GPC5: variants seen among roughly 807,000 people sequenced by gnomAD.
The protein encoded by GPC5 is glypican 5.
In GPC5, 47 loss-of-function variants were observed where a neutral mutation model predicts 53.9. The observed-to-expected ratio is 0.87, with a 90% CI of 0.69 to 1.11. GPC5 has a LOEUF of 1.11. Among genes scored for constraint, GPC5 ranks in the 50% most tolerant of loss-of-function variants. GPC5 has a pLI of 0.00. For missense variants in GPC5, 748 were observed against 713.1 expected (o/e 1.05, Z -0.56); for synonymous variants, 286 against 263.3 (o/e 1.09, Z -0.84).
chr13:92,703,952 A>T (rs1375867539), intron 7 of GPC5, among the ~76,000 whole-genome samples: 1 of 152,006 alleles, frequency 6.6e-6, no homozygotes, highest in East Asian at 1.9e-4. Context: ...ATTTTGTTAA[A>T]TACCGTTGTT....
At chr13:91,538,718 G>C (rs1886704523) in intron 2 of GPC5, among the ~76,000 whole-genome samples, 1 of 151,494 alleles carries the variant, frequency 6.6e-6, no homozygotes, top group African/African-American at 2.4e-5. Context: ...GAGTAGCTGG[G>C]ACTACAGGTG....
chr13:91,876,621 G>C (rs537272138), intron 5 of GPC5, among the ~76,000 whole-genome samples: 9 of 152,160 alleles, frequency 5.9e-5, no homozygotes, highest in African/African-American at 9.7e-5. Context: ...GATGTGACTC[G>C]GATGCTGTCA....
chr13:91,703,883 A>G (rs1319290093), intron 3 of GPC5, among the ~76,000 whole-genome samples: 1 of 152,036 alleles, frequency 6.6e-6, no homozygotes, highest in Admixed American at 6.6e-5. Flanking sequence ...GGTAGTTTGT[A>G]TGTTTCTAGG....
At chr13:92,317,876 G>C (rs2043190148) in intron 7 of GPC5, among the ~76,000 whole-genome samples, 1 of 152,032 alleles carries the variant, frequency 6.6e-6, no homozygotes, top group Non-Finnish European at 1.5e-5. Context: ...AAGCATTCTG[G>C]AATACCTCGA....
intron 7 of GPC5, among the ~76,000 whole-genome samples, chr13:92,541,756 GC>G (rs1324786630): frequency 2.6e-5 from 4 of 151,650 alleles, no homozygotes; most frequent in African/African-American, 9.7e-5. Context: ...TTTTTACTTT[GC>G]GCATGTATGT....
At chr13:91,639,869 A>G (rs1047858810) in intron 2 of GPC5, among the ~76,000 whole-genome samples, 1 of 152,200 alleles carries the variant, frequency 6.6e-6, no homozygotes. Flanking sequence ...TTCATTTTAC[A>G]AAGAAGGGAA....
chr13:92,801,803 G>GA (rs1401501306), intron 7 of GPC5, among the ~76,000 whole-genome samples: 2 of 151,440 alleles, frequency 1.3e-5, no homozygotes, highest in Non-Finnish European at 3.0e-5. Flanking sequence ...AATATTAATA[G>GA]AAAAAATTTC....
intron 7 of GPC5, among the ~76,000 whole-genome samples, chr13:92,693,903 G>A (rs775023264): frequency 2.0e-5 from 3 of 152,176 alleles, no homozygotes; most frequent in Non-Finnish European, 2.9e-5. Flanking sequence ...TCCATCACTG[G>A]TTCAGAGGCC....
chr13:91,399,297 G>A, intron 1 of GPC5, 88 bp downstream of exon 1: 1 of 1,468,776 alleles, frequency 6.8e-7, no homozygotes, highest in Non-Finnish European at 9.1e-7. Flanking sequence ...CTCGTGGGAA[G>A]ATGACCTTTC....
intron 2 of GPC5, among the ~76,000 whole-genome samples, chr13:91,674,995 A>T (rs1041119508): frequency 1.3e-5 from 2 of 151,978 alleles, no homozygotes; most frequent in African/African-American, 4.8e-5. Flanking sequence ...AGACTAGTCC[A>T]GGAGACCTTG....
At chr13:91,907,237 T>C (rs1312932405) in intron 5 of GPC5, among the ~76,000 whole-genome samples, 1 of 149,204 alleles carries the variant, frequency 6.7e-6, no homozygotes, top group Non-Finnish European at 1.5e-5. Flanking sequence ...TAAGTCCCTC[T>C]ATGCCTACAA....
chr13:91,637,361 G>A lies in GPC5; in HGVS notation c.326-55826G>A, dbSNP rs2034310359. ...GAGTGAGGGATAAATTCATGCGAGA[G>A]CCTAGAGATTTACATTTTAATTGTG... On this transcript the variant is annotated intron_variant, in intron 2 of 7. Coordinates refer to ENST00000377067, the MANE Select transcript of GPC5 (RefSeq NM_004466.6). Among the ~76,000 whole-genome samples the A allele has an allele frequency of 3.9e-5, 6 of 152,308 alleles. No individual in the cohort carries two copies. The South Asian group carries it at 1.2e-3, about 32-fold the overall frequency.
chr13:91,419,576 G>A (rs958486065), intron 1 of GPC5, among the ~76,000 whole-genome samples: 1 of 152,142 alleles, frequency 6.6e-6, no homozygotes, highest in Non-Finnish European at 1.5e-5. Flanking sequence ...AATGATACTA[G>A]TAATAAGCCA....
intron 6 of GPC5, among the ~76,000 whole-genome samples, chr13:92,092,086 A>G (rs2041385706): frequency 6.6e-6 from 1 of 152,172 alleles, no homozygotes; most frequent in Non-Finnish European, 1.5e-5. Context: ...CATTTATGAG[A>G]ATTTTCTAAA....
At chr13:91,850,605 G>A (rs1000795960) in intron 5 of GPC5, among the ~76,000 whole-genome samples, 1 of 152,078 alleles carries the variant, frequency 6.6e-6, no homozygotes, top group African/African-American at 2.4e-5. Context: ...ATATTTTCAT[G>A]AAGAACTTCA....
intron 7 of GPC5, among the ~76,000 whole-genome samples, chr13:92,472,924 T>A (rs1190142426): frequency 6.6e-6 from 1 of 152,102 alleles, no homozygotes; most frequent in Non-Finnish European, 1.5e-5. Flanking sequence ...GCAGTTTAAT[T>A]GAATAGTACC....
chr13:91,410,339 C>CTT (rs66787310), intron 1 of GPC5, among the ~76,000 whole-genome samples: 326 of 89,762 alleles, frequency 3.6e-3, no homozygotes, highest in African/African-American at 5.9e-3. Flanking sequence ...CGTTTCCATT[C>CTT]TTTTTTTTTT....
intron 5 of GPC5, among the ~76,000 whole-genome samples, chr13:91,796,368 C>G (rs1455524656): frequency 6.6e-6 from 1 of 152,116 alleles, no homozygotes; most frequent in African/African-American, 2.4e-5. Flanking sequence ...GCAATGACAG[C>G]AATCAGCAGT....
intron 5 of GPC5, among the ~76,000 whole-genome samples, chr13:91,898,869 C>T (rs1433646420): frequency 6.6e-6 from 1 of 152,006 alleles, no homozygotes; most frequent in Non-Finnish European, 1.5e-5. Context: ...TATCTTTTTA[C>T]TCTTAAGCAT....
Sources: gnomAD v4.1 joint callset for allele counts (sites outside exome capture counted in the v4.1 genomes callset) on GRCh38, gnomAD v4.1.1 for gene constraint, MANE v1.5 for transcripts, NCBI Gene and HGNC (gene_info 2026-07-23, HGNC 2026-07-21) for gene names.